The following KIF19 variants were observed in gnomAD, a reference collection of about 807,000 sequenced individuals.
KIF19 encodes the protein kinesin family member 19, also known as kinesin-like protein KIF19.
A neutral mutation model predicts 106.6 loss-of-function variants in KIF19; 98 were observed. The ratio of observed to expected loss-of-function variants is 0.92; its 90% CI spans 0.78 to 1.09. KIF19 has a LOEUF of 1.09. Ranked by LOEUF, KIF19 falls within the 50% of genes least tolerant of loss-of-function variation. The probability of loss-of-function intolerance (pLI) is 0.00; values close to 1 mark genes in which losing one functional copy is unlikely to be tolerated. For synonymous variants in KIF19, 516 were observed against 584.2 expected (o/e 0.88, Z 1.68); for missense variants, 1,373 against 1,414.3 (o/e 0.97, Z 0.47).
At chr17:74,329,181 C>T (rs2054002785) in intron 2 of KIF19, 1 of 152,068 alleles carries the variant, frequency 6.6e-6, no homozygotes, top group Non-Finnish European at 1.5e-5. Flanking sequence ...GCGAGGGCTT[C>T]CTTAAGAAAC....
chr17:74,344,839 C>G lies in KIF19; in HGVS notation c.661C>G (p.His221Asp), dbSNP rs1459528335. 1 of 1,612,814 alleles carries G rather than the reference C, an allele frequency of 6.2e-7. No individual in the cohort carries two copies. The highest frequency in any genetic ancestry group is 8.5e-7 in the Non-Finnish European group (1 of 1,179,764). Reference sequence around the variant, plus strand: ...CGCCAACCAGACGTCCTCCCGCTCCCACGCGGTACTGCAGGTGACCGTGCG... The same window carrying G: ...CGCCAACCAGACGTCCTCCCGCTCCGACGCGGTACTGCAGGTGACCGTGCG... Reference protein sequence around the residue: ...TAANQTSSRSHAVLQVTVRQR... With the variant: ...TAANQTSSRSDAVLQVTVRQR... Residue 221 changes from histidine (H) to aspartate (D), a missense_variant, in exon 7 of 20, where the codon CAC becomes GAC. Physicochemically the swap from His to Asp is moderately conservative, Grantham distance 81. Coordinates refer to ENST00000389916, the MANE Select transcript of KIF19 (RefSeq NM_153209.4).
Position 74,347,762 on chromosome 17 carries a change from C to G in KIF19, c.925-15C>G. 1 of 1,586,308 alleles carries G rather than the reference C, an allele frequency of 6.3e-7. No individual in the cohort carries two copies. The highest frequency in any genetic ancestry group is 8.6e-7 in the Non-Finnish European group (1 of 1,166,922). On this transcript the variant is annotated splice_polypyrimidine_tract_variant and intron_variant, in intron 8 of 19. Coordinates refer to ENST00000389916, the MANE Select transcript of KIF19 (RefSeq NM_153209.4). ...AGGAGGCAGTCCCCACTGACCACAGCCACCTCCCATCCAGGACTCTCTGGG... is the reference window on the plus strand; with the variant it reads ...AGGAGGCAGTCCCCACTGACCACAGGCACCTCCCATCCAGGACTCTCTGGG...
intron 9 of KIF19, among the ~76,000 whole-genome samples, 188 bp downstream of exon 9, chr17:74,348,087 G>A (rs1045264707): frequency 1.3e-5 from 2 of 152,196 alleles, no homozygotes; most frequent in South Asian, 2.1e-4. Flanking sequence ...CCGGGAAGCC[G>A]ACAGCTCCCA....
rs1022328702 is a variant in KIF19, at chr17:74,347,706, A to G, written c.925-71A>G. Reference sequence around the variant, plus strand: ...AGAGATTGCACTCGCCAGGGAGGGCATCGTGAACAGCCTGGCAGGAGGAAG... The same window carrying G: ...AGAGATTGCACTCGCCAGGGAGGGCGTCGTGAACAGCCTGGCAGGAGGAAG... On this transcript the variant is annotated intron_variant, in intron 8 of 19. Transcript: ENST00000389916. The G allele has an allele frequency of 4.3e-5, 66 of 1,537,660 alleles. 1 individual carries two copies. In the African/African-American group the frequency reaches 6.4e-4, roughly 15 times the overall value.
intron 14 of KIF19, 116 bp downstream of exon 14, chr17:74,352,456 AG>A: frequency 7.5e-7 from 1 of 1,329,262 alleles, no homozygotes. Context: ...CTGGCACCCC[AG>A]GGAGTTGACT....
intron 10 of KIF19, among the ~76,000 whole-genome samples, chr17:74,349,883 C>T (rs2054646787): frequency 6.6e-6 from 1 of 151,556 alleles, no homozygotes; most frequent in Non-Finnish European, 1.5e-5. Flanking sequence ...ACTGCAACCT[C>T]TGCCTCCCGG....
At chr17:74,327,170 C>T (rs371116263) in intron 1 of KIF19, among the ~76,000 whole-genome samples, 1 of 152,256 alleles carries the variant, frequency 6.6e-6, no homozygotes, top group Non-Finnish European at 1.5e-5. Context: ...GCCCTCATCA[C>T]CAGAAGGTGG....
intron 2 of KIF19, among the ~76,000 whole-genome samples, chr17:74,339,566 C>T (rs112524928): frequency 3.3e-5 from 5 of 150,556 alleles, no homozygotes; most frequent in East Asian, 1.9e-4. Flanking sequence ...CTACCTCCCT[C>T]GCCCCCTTCC....
chr17:74,342,633 A>T lies in KIF19; in HGVS notation c.235A>T (p.Met79Leu), dbSNP rs1024208590. Residue 79 changes from methionine (M) to leucine (L), a missense_variant, in exon 4 of 20, where the codon ATG becomes TTG. Physicochemically the swap from Met to Leu is conservative, Grantham distance 15 (BLOSUM62 2). Transcript: ENST00000389916. The stretch of plus-strand genomic sequence containing the variant: ...TGACAGGCTTCCTTCCTCGCAGGAG[A>T]TGGTGTATCAGGCCACCACCAAGAG... ...VAFDFTATQEMVYQATTKSLI... is the reference protein window; with the variant it reads ...VAFDFTATQELVYQATTKSLI... The T allele has an allele frequency of 1.2e-6, 2 of 1,611,828 alleles. No individual in the cohort carries two copies. Among genetic ancestry groups the T allele is most frequent in the South Asian group, 2.2e-5 (2 of 91,010 alleles).
intron 2 of KIF19, chr17:74,329,072 A>G (rs2053998807): frequency 6.6e-6 from 1 of 152,356 alleles, no homozygotes; most frequent in East Asian, 1.9e-4. Context: ...AAAGAATTGC[A>G]TCACAAACAA....
At chr17:74,350,302 G>A (rs1451938141) in intron 10 of KIF19, 99 bp from the exon 11 acceptor site, 1 of 1,156,896 alleles carries the variant, frequency 8.6e-7, no homozygotes, top group Non-Finnish European at 1.2e-6. Flanking sequence ...TGGGAGCACT[G>A]AGTTGGGAAG....
intron 3 of KIF19, 26 bp from the exon 4 acceptor site, chr17:74,342,604 C>T (rs1185889986): frequency 1.9e-6 from 3 of 1,594,062 alleles, no homozygotes; most frequent in Non-Finnish European, 2.6e-6. Flanking sequence ...TGTGTCCCGG[C>T]CCCTGACAGG....
At chr17:74,340,316 C>T (rs2054331965) in intron 2 of KIF19, among the ~76,000 whole-genome samples, 1 of 152,184 alleles carries the variant, frequency 6.6e-6, no homozygotes, top group Non-Finnish European at 1.5e-5. Flanking sequence ...TCTATCCCCT[C>T]CCATACCCTA....
At position 74,352,961 on chromosome 17, in the gene KIF19, T is replaced by C. The variant is rs1234240531; in HGVS notation, c.2114+7T>C. On this transcript the variant is annotated splice_region_variant and intron_variant, in intron 15 of 19. Transcript: ENST00000389916. The stretch of plus-strand genomic sequence containing the variant: ...CTCCCCTCAGCACAGAGAGGTGAGA[T>C]GGGGGCCACCTGCCCCAGCCCCCAC... 3 of 1,613,298 alleles carry C rather than the reference T, an allele frequency of 1.9e-6. No individual in the cohort carries two copies. The Admixed American group carries it at 5.0e-5, about 27-fold the overall frequency.
Position 74,331,984 on chromosome 17 carries a change from T to G in KIF19, c.120+3479T>G, listed in dbSNP as rs1051141484. Among the ~76,000 whole-genome samples, 2 of 152,144 alleles carry G rather than the reference T, an allele frequency of 1.3e-5. No homozygotes were observed. The highest frequency in any genetic ancestry group is 2.9e-5 in the Non-Finnish European group (2 of 68,038). ...CAATGCCTTCTTTAGAGGGTCCCTG[T>G]GGCTAACGGAGGCACAGTGCATAAC... On this transcript the variant is annotated intron_variant, in intron 2 of 19. Transcript: ENST00000389916. The surrounding 1 kb of genome is among the most constrained non-coding windows in gnomAD (Gnocchi z 4.1).
In KIF19 at chr17:74,326,288, G is replaced by T. The variant is rs1598361023; in HGVS notation, c.-62G>T. On this transcript the variant is annotated 5_prime_UTR_variant, in exon 1 of 20. Transcript: ENST00000389916. ...CAGCTGGCGGACGCGACCCGGAGGC[G>T]GTGGGGGTGCGGCTGAGCCATGCCC... is the stretch of plus-strand genomic sequence containing the variant. 6.6e-7 allele frequency: 1 copy of T among 1,520,624 alleles called. No homozygotes were observed. Among genetic ancestry groups the T allele is most frequent in the African/African-American group, 1.4e-5 (1 of 70,440 alleles). 94.2% of individuals were successfully genotyped at this position (1,520,624 alleles called of 1,614,324 possible). A position where few individuals can be genotyped will look rare whatever the true frequency, so the allele number is the denominator to read the frequency against.
At chr17:74,327,890 G>C (rs372524092) in intron 1 of KIF19, among the ~76,000 whole-genome samples, 2 of 152,192 alleles carry the variant, frequency 1.3e-5, no homozygotes, top group African/African-American at 4.8e-5. Flanking sequence ...GGAGATCCAC[G>C]CACAGGATGA....
Position 74,355,476 on chromosome 17 carries a change from T to C in KIF19, c.*164T>C. On this transcript the variant is annotated 3_prime_UTR_variant, in exon 20 of 20. Transcript: ENST00000389916. ...AGGAACTGGGGTCTCTGCCCAACCC[T>C]CCCATGCTTTCAGTGCCACTGGGGA... The C allele has an allele frequency of 3.4e-6, 3 of 878,566 alleles. No individual in the cohort carries two copies. The highest frequency in any genetic ancestry group is 4.9e-6 in the Non-Finnish European group (3 of 607,020). 54.4% of individuals were successfully genotyped at this position (878,566 alleles called of 1,614,324 possible). A position where few individuals can be genotyped will look rare whatever the true frequency, so the allele number is the denominator to read the frequency against.
intron 2 of KIF19, among the ~76,000 whole-genome samples, chr17:74,339,250 G>A (rs1231119035): frequency 6.6e-6 from 1 of 151,868 alleles, no homozygotes; most frequent in Non-Finnish European, 1.5e-5. Flanking sequence ...CAGTTTAGAA[G>A]GGTAGCCGGA....
Sources: gnomAD v4.1 joint callset for allele counts (sites outside exome capture counted in the v4.1 genomes callset) on GRCh38, gnomAD v4.1.1 for gene constraint, Gnocchi (gnomAD v3.1) non-coding constraint, MANE v1.5 for transcripts, NCBI Gene and HGNC (gene_info 2026-07-23, HGNC 2026-07-21) for gene names.